The following GRM1 variants were observed in gnomAD, a reference collection of about 807,000 sequenced individuals.
GRM1 encodes glutamate metabotropic receptor 1, also known as metabotropic glutamate receptor 1.
GRM1 carries 33 observed loss-of-function variants against 90.9 expected under a neutral mutation model. That is an observed-to-expected ratio of 0.36 (90% CI 0.28 to 0.49). GRM1 has a LOEUF of 0.49. Among genes scored for constraint, GRM1 ranks in the 20% least tolerant of loss-of-function variants. The pLI is 0.99. For synonymous variants in GRM1, 700 were observed against 613.2 expected, an observed-to-expected ratio of 1.14 and a Z score of -2.09; for missense variants, 1,190 against 1,534.3, an observed-to-expected ratio of 0.78 and a Z score of 3.75.
chr6:146,180,929 A>G (rs1778529483), intron 2 of GRM1, among the ~76,000 whole-genome samples: 1 of 152,206 alleles, frequency 6.6e-6, no homozygotes, highest in Non-Finnish European at 1.5e-5. Context: ...TCTAGGTATA[A>G]TGGCAGGAGA....
At chr6:146,223,981 AT>A (rs1405259600) in intron 2 of GRM1, among the ~76,000 whole-genome samples, 1 of 152,100 alleles carries the variant, frequency 6.6e-6, no homozygotes, top group Admixed American at 6.6e-5. Context: ...ATTATAGCAG[AT>A]CCATTTTTAA....
chr6:146,297,893 C>G (rs1311446872), intron 2 of GRM1, among the ~76,000 whole-genome samples: 1 of 152,142 alleles, frequency 6.6e-6, no homozygotes. Flanking sequence ...TTCTTAGTCT[C>G]TCTTTCCCTT....
At chr6:146,298,454 A>G (rs1334259974) in intron 2 of GRM1, among the ~76,000 whole-genome samples, 1 of 152,198 alleles carries the variant, frequency 6.6e-6, no homozygotes, top group African/African-American at 2.4e-5. Flanking sequence ...TAGTGAAGCC[A>G]AAGTCTAAAA....
At chr6:146,151,813 T>G (rs986304072) in intron 1 of GRM1, among the ~76,000 whole-genome samples, 1 of 152,170 alleles carries the variant, frequency 6.6e-6, no homozygotes. Context: ...ACTTCTATTA[T>G]TTTAAAGTAC....
At chr6:146,326,926 A>G (rs1205346339) in intron 3 of GRM1, among the ~76,000 whole-genome samples, 2 of 152,336 alleles carry the variant, frequency 1.3e-5, no homozygotes, top group South Asian at 2.1e-4. Flanking sequence ...AAGGTTCCCA[A>G]TATGTGCCTT....
chr6:146,275,622 A>G (rs149205363), intron 2 of GRM1, among the ~76,000 whole-genome samples: 1 of 151,812 alleles, frequency 6.6e-6, no homozygotes, highest in East Asian at 1.9e-4. Flanking sequence ...TCTAGCTCTT[A>G]CTTAGAATCC....
At chr6:146,304,914 T>G in intron 3 of GRM1, 68 bp downstream of exon 3, 1 of 1,089,040 alleles carries the variant, frequency 9.2e-7, no homozygotes, top group East Asian at 2.4e-5. Context: ...TGCAACTTGT[T>G]GAATGAGAAT....
intron 4 of GRM1, among the ~76,000 whole-genome samples, chr6:146,354,051 G>C (rs1785499937): frequency 6.6e-6 from 1 of 152,208 alleles, no homozygotes. Context: ...CCTTGTGAGA[G>C]CTAAGTGGAT....
chr6:146,183,182 G>C (rs1359317933), intron 2 of GRM1, among the ~76,000 whole-genome samples: 1 of 152,064 alleles, frequency 6.6e-6, no homozygotes, highest in African/African-American at 2.4e-5. Context: ...AAGAGAAAAG[G>C]AGACAAGTGG....
rs1296392126 is a variant in GRM1, at chr6:146,234,685, T to C, written c.951-69926T>C. 2.6e-5 allele frequency among the ~76,000 whole-genome samples: 4 copies of C among 152,164 alleles called. No individual in the cohort carries two copies. The East Asian group carries it at 7.7e-4, about 29-fold the overall frequency. On this transcript the variant is annotated intron_variant, in intron 2 of 7. Coordinates refer to ENST00000282753, the MANE Select transcript of GRM1 (RefSeq NM_001278064.2). ...AATTCATTGCAACTATGTTTGCTTG[T>C]GACAATTATCTTTTAGAAAAACTAA...
At chr6:146,164,411 T>A (rs919758030) in intron 2 of GRM1, among the ~76,000 whole-genome samples, 1 of 152,112 alleles carries the variant, frequency 6.6e-6, no homozygotes, top group Non-Finnish European at 1.5e-5. Flanking sequence ...CCTAGCACAG[T>A]GTTTTGGTAT....
At chr6:146,354,269 G>T (rs1033952886) in intron 4 of GRM1, among the ~76,000 whole-genome samples, 1 of 152,202 alleles carries the variant, frequency 6.6e-6, no homozygotes, top group Admixed American at 6.5e-5. Context: ...CAACAAGTGA[G>T]TCTGAGGTTC....
At chr6:146,344,198 T>C (rs974644704) in intron 3 of GRM1, among the ~76,000 whole-genome samples, 6 of 152,222 alleles carry the variant, frequency 3.9e-5, no homozygotes, top group African/African-American at 1.4e-4. Flanking sequence ...TACCACCTGC[T>C]ATTCATTTAT....
intron 2 of GRM1, among the ~76,000 whole-genome samples, chr6:146,180,419 A>G (rs1226059469): frequency 2.6e-5 from 4 of 152,136 alleles, no homozygotes; most frequent in Admixed American, 2.0e-4. Context: ...ATCTTAACTG[A>G]TTTTTACATA....
intron 1 of GRM1, among the ~76,000 whole-genome samples, chr6:146,046,291 T>C (rs986555342): frequency 1.3e-5 from 2 of 152,042 alleles, no homozygotes; most frequent in African/African-American, 4.8e-5. Context: ...CAGAAAGTTA[T>C]AAACAACCAC....
chr6:146,412,142 A>G (rs1208343685), intron 7 of GRM1, among the ~76,000 whole-genome samples: 1 of 152,200 alleles, frequency 6.6e-6, no homozygotes, highest in African/African-American at 2.4e-5. Context: ...CTATTGATAT[A>G]TGTTGCAGCA....
intron 1 of GRM1, 137 bp from the exon 2 acceptor site, chr6:146,159,211 G>A (rs1227890006): frequency 2.1e-6 from 2 of 967,196 alleles, no homozygotes; most frequent in Non-Finnish European, 1.7e-6. Context: ...CAGATCTTCC[G>A]TCAGTCTCAG....
chr6:146,205,359 A>G (rs1424614158), intron 2 of GRM1, among the ~76,000 whole-genome samples: 1 of 152,084 alleles, frequency 6.6e-6, no homozygotes. Context: ...GGCTTTTTCT[A>G]TTTATTTTCC....
chr6:146,323,069 C>G (rs1411952151), intron 3 of GRM1, among the ~76,000 whole-genome samples: 1 of 152,130 alleles, frequency 6.6e-6, no homozygotes, highest in African/African-American at 2.4e-5. Flanking sequence ...CGTACGTGTG[C>G]ATGTGTCCTT....
Sources: allele counts gnomAD v4.1 joint callset (sites outside exome capture counted in the v4.1 genomes callset), GRCh38; gene constraint gnomAD v4.1.1; transcripts MANE v1.5; gene names NCBI Gene and HGNC (gene_info 2026-07-23, HGNC 2026-07-21).